Variants in SLC12A2 observed in about 807,000 individuals in gnomAD.
SLC12A2 encodes the protein Na-K-2Cl cotransporter 1.
A neutral mutation model predicts 136.3 loss-of-function variants in SLC12A2; 67 were observed. The observed-to-expected ratio is 0.49, with a 90% CI of 0.40 to 0.60. The LOEUF is 0.60. Among genes scored for constraint, SLC12A2 ranks in the 20% least tolerant of loss-of-function variants. SLC12A2 has a pLI of 0.00. For missense variants in SLC12A2, 1,322 were observed against 1,534.7 expected (o/e 0.86, Z 2.32); for synonymous variants, 619 against 562.9 (o/e 1.10, Z -1.41).
intron 1 of SLC12A2, among the ~76,000 whole-genome samples, chr5:128,085,467 A>G (rs1760067200): frequency 6.6e-6 from 1 of 152,206 alleles, no homozygotes. Context: ...ACACTTTGTA[A>G]ACAGAAAACC....
chr5:128,144,698 C>T (rs1357245901), intron 10 of SLC12A2, among the ~76,000 whole-genome samples: 2 of 152,098 alleles, frequency 1.3e-5, no homozygotes, highest in Admixed American at 6.6e-5. Flanking sequence ...TTTGTACACA[C>T]ACACATGCAT....
intron 2 of SLC12A2, among the ~76,000 whole-genome samples, chr5:128,113,531 A>C (rs1469924643): frequency 6.6e-6 from 1 of 152,206 alleles, no homozygotes; most frequent in Non-Finnish European, 1.5e-5. Context: ...CTTTGGAAGC[A>C]CTTAATAGGG....
chr5:128,175,844 G>A (rs1198532147), intron 20 of SLC12A2, among the ~76,000 whole-genome samples: 8 of 151,890 alleles, frequency 5.3e-5, no homozygotes, highest in East Asian at 3.9e-4. Flanking sequence ...CAGCATATCC[G>A]TAGTTATAAT....
chr5:128,145,071 T>TA (rs1762486911), intron 10 of SLC12A2, among the ~76,000 whole-genome samples: 2 of 152,110 alleles, frequency 1.3e-5, no homozygotes, highest in South Asian at 4.1e-4. Flanking sequence ...GGTTACTGGA[T>TA]AACTGTTCAA....
intron 4 of SLC12A2, among the ~76,000 whole-genome samples, chr5:128,121,646 C>T (rs1269920414): frequency 6.6e-6 from 1 of 152,102 alleles, no homozygotes; most frequent in Non-Finnish European, 1.5e-5. Flanking sequence ...TTTAAAGTTA[C>T]TGGAAGCAGA....
chr5:128,124,677 T>G (rs1025800028), intron 4 of SLC12A2, among the ~76,000 whole-genome samples: 2 of 152,152 alleles, frequency 1.3e-5, no homozygotes, highest in Non-Finnish European at 2.9e-5. Context: ...CCCCTTTGTT[T>G]ATAGTTTTCC....
intron 16 of SLC12A2, among the ~76,000 whole-genome samples, chr5:128,160,069 T>A (rs1169940211): frequency 3.3e-5 from 5 of 152,158 alleles, no homozygotes; most frequent in Admixed American, 6.5e-5. Context: ...TAAAAAAGAA[T>A]GAGTTCATGT....
At chr5:128,132,412 A>G (rs1364447057) in intron 5 of SLC12A2, among the ~76,000 whole-genome samples, 1 of 152,204 alleles carries the variant, frequency 6.6e-6, no homozygotes, top group Non-Finnish European at 1.5e-5. Flanking sequence ...TCAAGTTTAT[A>G]CACAAATTTC....
chr5:128,121,833 G>A (rs1310943276), intron 4 of SLC12A2, among the ~76,000 whole-genome samples: 1 of 152,182 alleles, frequency 6.6e-6, no homozygotes, highest in Non-Finnish European at 1.5e-5. Flanking sequence ...AATCATAGCA[G>A]TGTTCTTGAG....
chr5:128,123,560 T>G (rs780889783), intron 4 of SLC12A2, among the ~76,000 whole-genome samples: 4 of 152,210 alleles, frequency 2.6e-5, no homozygotes, highest in Non-Finnish European at 5.9e-5. Context: ...AGTTTTCATT[T>G]GTGCTTCCAT....
At chr5:128,181,067 A>G in intron 23 of SLC12A2, 73 bp downstream of exon 23, 1 of 915,864 alleles carries the variant, frequency 1.1e-6, no homozygotes, top group African/African-American at 1.7e-5. Flanking sequence ...TGATAGGATA[A>G]AAATTAGACA....
intron 21 of SLC12A2, chr5:128,178,323 TAGTA>T (rs1038528606): frequency 7.9e-6 from 2 of 251,788 alleles, no homozygotes; most frequent in African/African-American, 2.2e-5. Flanking sequence ...TTGAAAATAT[TAGTA>T]AGTAGGCAGA....
At chr5:128,109,915 AGCCTG>A in intron 1 of SLC12A2, 1 of 809,728 alleles carries the variant, frequency 1.2e-6, no homozygotes, top group Non-Finnish European at 2.2e-6. Flanking sequence ...AAGATAGTGC[AGCCTG>A]GCTACGGGGG....
chr5:128,168,111 T>C, intron 18 of SLC12A2: 1 of 308,342 alleles, frequency 3.2e-6, no homozygotes, highest in Admixed American at 5.1e-5. Flanking sequence ...CATATATGTA[T>C]GTATATGTAT....
At chr5:128,159,492 T>A (rs1762965638) in intron 16 of SLC12A2, among the ~76,000 whole-genome samples, 1 of 152,134 alleles carries the variant, frequency 6.6e-6, no homozygotes, top group Admixed American at 6.6e-5. Context: ...AGAAAAGTTT[T>A]GCAATGTATC....
chr5:128,105,260 C>G (rs1277114433), intron 1 of SLC12A2, among the ~76,000 whole-genome samples: 1 of 152,208 alleles, frequency 6.6e-6, no homozygotes, highest in Non-Finnish European at 1.5e-5. Flanking sequence ...TAAGCCGTCA[C>G]TTACGACTTA....
chr5:128,096,665 A>G (rs1760549485), intron 1 of SLC12A2, among the ~76,000 whole-genome samples: 1 of 152,114 alleles, frequency 6.6e-6, no homozygotes, highest in South Asian at 2.1e-4. Flanking sequence ...ACATAGCCTC[A>G]GTACTAACTT....
chr5:128,095,809 G>GT (rs1760513960), intron 1 of SLC12A2, among the ~76,000 whole-genome samples: 1 of 152,116 alleles, frequency 6.6e-6, no homozygotes, highest in East Asian at 1.9e-4. Flanking sequence ...AGTATTTGTG[G>GT]TTTTTAGAGT....
At chr5:128,168,068 A>C in intron 18 of SLC12A2, 1 of 447,856 alleles carries the variant, frequency 2.2e-6, no homozygotes, top group South Asian at 3.4e-5. Flanking sequence ...CTCTTTACAT[A>C]CATGCATATA....
Sources: allele counts gnomAD v4.1 joint callset (sites outside exome capture counted in the v4.1 genomes callset), GRCh38; gene constraint gnomAD v4.1.1; transcripts MANE v1.5; gene names NCBI Gene and HGNC (gene_info 2026-07-23, HGNC 2026-07-21).